CD36: variants seen among roughly 807,000 people sequenced by gnomAD.
The protein encoded by CD36 is platelet glycoprotein 4.
CD36 carries 119 observed loss-of-function variants against 55.2 expected under a neutral mutation model. The ratio of observed to expected loss-of-function variants is 2.15; its 90% CI spans 1.86 to 2.51. The LOEUF is 2.51. CD36 is among the 30% of genes most tolerant of loss of function. The pLI is 0.00. For missense variants in CD36, 819 were observed against 555.5 expected, an observed-to-expected ratio of 1.47 and a Z score of -4.77; for synonymous variants, 186 against 193.6, an observed-to-expected ratio of 0.96 and a Z score of 0.33.
chr7:80,678,856 A>AT lies in CD36; in HGVS notation c.*2473_*2474insT, dbSNP rs397815866. 6.6e-6 allele frequency: 1 copy of AT among 150,894 alleles called. No homozygotes were observed. Among genetic ancestry groups the AT allele is most frequent in the Non-Finnish European group, 1.5e-5 (1 of 67,726 alleles). The allele number at this position is 150,894 out of a possible 1,614,324, so 9.3% of individuals were successfully genotyped here. Reference sequence around the variant, plus strand: ...AGATTCCATCTCAAAAAAAAAAAACAGTATGCACGTACAAATTTCTTAACC... The same window carrying AT: ...AGATTCCATCTCAAAAAAAAAAAACATGTATGCACGTACAAATTTCTTAACC... On this transcript the variant is annotated 3_prime_UTR_variant, in exon 15 of 15. Transcript: ENST00000447544.
intron 1 of CD36, among the ~76,000 whole-genome samples, chr7:80,630,063 C>T (rs1004699216): frequency 2.0e-5 from 3 of 152,008 alleles, no homozygotes; most frequent in African/African-American, 7.2e-5. Flanking sequence ...GTTTCATCTT[C>T]ATTTTTTGAA....
Position 80,674,052 on chromosome 7 carries a change from G to A in CD36, c.1324G>A (p.Gly442Ser), listed in dbSNP as rs765194791. 1.2e-6 allele frequency: 2 copies of A among 1,611,548 alleles called. No homozygotes were observed. Among genetic ancestry groups the A allele is most frequent in the South Asian group, 2.2e-5 (2 of 90,952 alleles). ...SQVTGKINLL[G>S]LIEMILLSVG... ...AGTAACTGGAAAAATAAACCTCCTT[G>A]GCCTGATAGAAATGATCTTACTCAG... Residue 442 changes from glycine (G) to serine (S), a missense_variant, in exon 14 of 15, where the codon GGC becomes AGC. Gly to Ser is a moderately conservative substitution (Grantham distance 56). Coordinates refer to ENST00000447544, the MANE Select transcript of CD36 (RefSeq NM_001001548.3).
At chr7:80,668,032 C>T (rs1738007331) in intron 8 of CD36, among the ~76,000 whole-genome samples, 1 of 152,048 alleles carries the variant, frequency 6.6e-6, no homozygotes, top group African/African-American at 2.4e-5. Flanking sequence ...CAGGCTTGAG[C>T]CACCACACCT....
At position 80,656,690 on chromosome 7, in the gene CD36, T is replaced by C; in HGVS notation, c.271T>C (p.Tyr91His). The C allele has an allele frequency of 6.2e-7, 1 of 1,613,498 alleles. No individual in the cohort carries two copies. The highest frequency in any genetic ancestry group is 8.5e-7 in the Non-Finnish European group (1 of 1,179,604). The change falls in exon 4 of 15, where the codon TAT (tyrosine) becomes CAT (histidine). Residue 91 changes from tyrosine (Y) to histidine (H), a missense_variant. Physicochemically the swap from Tyr to His is moderately conservative, Grantham distance 83. Coordinates refer to ENST00000447544, the MANE Select transcript of CD36 (RefSeq NM_001001548.3). ...CATTCAAGTTAAGCAAAGAGGTCCTTATACGTACAGGTGAGTGAGTCCCCA... is the reference window on the plus strand; with the variant it reads ...CATTCAAGTTAAGCAAAGAGGTCCTCATACGTACAGGTGAGTGAGTCCCCA... ...SNIQVKQRGPYTYRVRFLAKE... is the reference protein window; with the variant it reads ...SNIQVKQRGPHTYRVRFLAKE...
upstream of CD36, among the ~76,000 whole-genome samples, chr7:80,634,800 T>C (rs1285125947): frequency 6.6e-6 from 1 of 152,078 alleles, no homozygotes; most frequent in African/African-American, 2.4e-5. Flanking sequence ...AAAGAAAGTT[T>C]ATTTTTTTTT....
chr7:80,636,485 G>T (rs543662158), upstream of CD36, among the ~76,000 whole-genome samples: 3 of 144,880 alleles, frequency 2.1e-5, no homozygotes, highest in East Asian at 6.3e-4. Flanking sequence ...GTAGCCTGAG[G>T]ATTTAAACTT....
chr7:80,642,323 C>T (rs1337711295), intron 1 of CD36, among the ~76,000 whole-genome samples: 1 of 152,042 alleles, frequency 6.6e-6, no homozygotes, highest in East Asian at 1.9e-4. Context: ...TACCTATTTT[C>T]ATATATAAGG....
In CD36 at chr7:80,671,008, A is replaced by C. The variant is rs768809508; in HGVS notation, c.850A>C (p.Asn284His). 2.5e-5 allele frequency: 41 copies of C among 1,613,338 alleles called. No individual in the cohort carries two copies. The highest frequency in any genetic ancestry group is 3.3e-5 in the Non-Finnish European group (39 of 1,179,456). ...CTATGCTGTATTTGAATCCGACGTT[A>C]ATCTGAAAGGAATCCCTGTGTATAG... is the stretch of plus-strand genomic sequence containing the variant. ...SIYAVFESDVNLKGIPVYRFV... is the reference protein window; with the variant it reads ...SIYAVFESDVHLKGIPVYRFV... The change falls in exon 10 of 15, where the codon AAT becomes CAT. Residue 284 changes from asparagine (N) to histidine (H), a missense_variant. Transcript: ENST00000447544.
chr7:80,653,270 A>G (rs963041012), intron 3 of CD36, among the ~76,000 whole-genome samples: 1 of 152,224 alleles, frequency 6.6e-6, no homozygotes, highest in Non-Finnish European at 1.5e-5. Context: ...AAGTGAAACA[A>G]AATATTTTCT....
chr7:80,621,274 C>T (rs1793456804), intron 1 of CD36, among the ~76,000 whole-genome samples: 1 of 152,136 alleles, frequency 6.6e-6, no homozygotes. Flanking sequence ...TTGTGTGACT[C>T]AGTTTATTGT....
chr7:80,614,839 C>T (rs147750155), intron 1 of CD36, among the ~76,000 whole-genome samples: 108 of 152,256 alleles, frequency 7.1e-4, no homozygotes, highest in African/African-American at 2.5e-3. Context: ...GTCGCTTCAA[C>T]GAATGCCAAT....
chr7:80,641,814 G>A (rs1794834379), intron 1 of CD36, among the ~76,000 whole-genome samples: 2 of 151,966 alleles, frequency 1.3e-5, no homozygotes, highest in South Asian at 2.1e-4. Flanking sequence ...TTACTGAAGA[G>A]GCTTCTTATA....
rs1798240218 is a variant in CD36 at position 80,678,748 on chromosome 7, G to T, written c.*2365G>T. The stretch of plus-strand genomic sequence containing the variant: ...CATGCCTGTAGTCCCAGCTGCTCGG[G>T]AGACTGAATCTCTTGAGCCTGGGAA... On this transcript the variant is annotated 3_prime_UTR_variant, in exon 15 of 15. Coordinates refer to ENST00000447544, the MANE Select transcript of CD36 (RefSeq NM_001001548.3). 6.6e-6 allele frequency: 1 copy of T among 151,896 alleles called. No individual in the cohort carries two copies. 9.4% of individuals were successfully genotyped at this position (151,896 alleles called of 1,614,324 possible).
At chr7:80,650,162 C>G (rs1353950265) in intron 3 of CD36, among the ~76,000 whole-genome samples, 1 of 152,028 alleles carries the variant, frequency 6.6e-6, no homozygotes, top group Non-Finnish European at 1.5e-5. Context: ...CTCATAAAAA[C>G]TGTCAAATGA....
intron 1 of CD36, among the ~76,000 whole-genome samples, chr7:80,645,230 G>C (rs1562790269): frequency 6.6e-6 from 1 of 150,946 alleles, no homozygotes; most frequent in East Asian, 2.0e-4. Flanking sequence ...GTGTTGGTCG[G>C]GCTGGTCTCA....
At chr7:80,633,608 T>C (rs901097693) in intron 1 of CD36, among the ~76,000 whole-genome samples, 1 of 152,066 alleles carries the variant, frequency 6.6e-6, no homozygotes, top group African/African-American at 2.4e-5. Flanking sequence ...AGATATTTTT[T>C]ATTACTGCAT....
intron 1 of CD36, among the ~76,000 whole-genome samples, chr7:80,619,637 ACT>A (rs1179180834): frequency 1.7e-4 from 22 of 131,580 alleles, no homozygotes; most frequent in Non-Finnish European, 2.8e-4. Context: ...ACAGAGTAAG[ACT>A]CTGTCTCAAA....
rs368789777 is a variant in CD36, at chr7:80,661,182, A to G, written c.401A>G (p.Asn134Ser). The change falls in exon 5 of 15, where the codon AAC becomes AGC. Residue 134 changes from asparagine to serine, a missense_variant. Physicochemically the swap from Asn to Ser is conservative, Grantham distance 46. Coordinates refer to ENST00000447544, the MANE Select transcript of CD36 (RefSeq NM_001001548.3). ...CTATCAGTTGGAACAGAGGCTGACA[A>G]CTTCACAGTTCTCAATCTGGCTGTG... Reference protein sequence around the residue: ...PSLSVGTEADNFTVLNLAVAA... With the variant: ...PSLSVGTEADSFTVLNLAVAA... 2.4e-5 allele frequency: 39 copies of G among 1,613,976 alleles called. No homozygotes were observed. The highest frequency in any genetic ancestry group is 1.2e-4 in the South Asian group (11 of 91,088).
chr7:80,643,067 C>G (rs1794922689), intron 1 of CD36, among the ~76,000 whole-genome samples: 1 of 152,112 alleles, frequency 6.6e-6, no homozygotes, highest in Admixed American at 6.6e-5. Context: ...TTATACTAAT[C>G]AGTTTTCAGG....
Sources: gnomAD v4.1 joint callset for allele counts (sites outside exome capture counted in the v4.1 genomes callset) on GRCh38, gnomAD v4.1.1 for gene constraint, MANE v1.5 for transcripts, NCBI Gene and HGNC (gene_info 2026-07-23, HGNC 2026-07-21) for gene names.